The following DDI2 variants were observed in gnomAD, a reference collection of about 807,000 sequenced individuals.
The protein encoded by DDI2 is protein DDI1 homolog 2.
In DDI2, 5 loss-of-function variants were observed where a neutral mutation model predicts 48.1. That is an observed-to-expected ratio of 0.10 (90% CI 0.05 to 0.22). DDI2 has a LOEUF of 0.22. Ranked by LOEUF, DDI2 falls within the 10% of genes least tolerant of loss-of-function variation. The probability of loss-of-function intolerance (pLI) is 1.00; values close to 1 mark genes in which losing one functional copy is unlikely to be tolerated. For missense variants in DDI2, 285 were observed against 506.2 expected (o/e 0.56, Z 4.19); for synonymous variants, 205 against 183.6 (o/e 1.12, Z -0.94).
At chr1:15,633,682 G>T in intron 4 of DDI2, 117 bp downstream of exon 4, 1 of 1,470,286 alleles carries the variant, frequency 6.8e-7, no homozygotes, top group Admixed American at 1.7e-5. Context: ...TTGCAGTTGA[G>T]ATAGTAACCT....
chr1:15,649,695 C>A lies in DDI2; in HGVS notation c.890-25C>A, dbSNP rs751940810. 2.5e-6 allele frequency: 4 copies of A among 1,602,398 alleles called. No individual in the cohort carries two copies. In the South Asian group the frequency reaches 4.5e-5, roughly 18 times the overall value. On this transcript the variant is annotated intron_variant, in intron 6 of 9. Transcript: ENST00000480945. ...TCTGTTTTGAAGTACGTAACAATAACCTTTTCTCTTCATGTGCTTTTTAGC... is the reference window on the plus strand; with the variant it reads ...TCTGTTTTGAAGTACGTAACAATAAACTTTTCTCTTCATGTGCTTTTTAGC...
chr1:15,658,812 G>A (rs546406168), intron 9 of DDI2, among the ~76,000 whole-genome samples: 1 of 151,822 alleles, frequency 6.6e-6, no homozygotes, highest in African/African-American at 2.4e-5. Context: ...TAACTGGATT[G>A]GTGGCAAAAG....
intron 1 of DDI2, among the ~76,000 whole-genome samples, chr1:15,625,839 G>A (rs573503373): frequency 4.6e-5 from 7 of 152,270 alleles, no homozygotes; most frequent in African/African-American, 7.2e-5. Flanking sequence ...GGCTGGTCTC[G>A]AACCCCTGAC....
At chr1:15,617,843 C>G in intron 1 of DDI2, 35 bp downstream of exon 1, 1 of 1,535,680 alleles carries the variant, frequency 6.5e-7, no homozygotes, top group Non-Finnish European at 8.8e-7. Flanking sequence ...TGCCCCGGAG[C>G]TAAGCCCTCC....
chr1:15,658,231 C>T (rs375760232), intron 9 of DDI2, among the ~76,000 whole-genome samples: 40 of 152,078 alleles, frequency 2.6e-4, no homozygotes, highest in East Asian at 2.1e-3. Flanking sequence ...CTCACTGCAA[C>T]CTCTCCCTCC....
intron 8 of DDI2, 173 bp from the exon 9 acceptor site, chr1:15,656,444 A>G (rs1640274860): frequency 6.7e-7 from 1 of 1,490,528 alleles, no homozygotes; most frequent in Non-Finnish European, 8.9e-7. Flanking sequence ...TTGTGAGAGA[A>G]TGGAAGCAAC....
At chr1:15,656,223 T>G (rs543027808) in intron 8 of DDI2, among the ~76,000 whole-genome samples, 1 of 152,298 alleles carries the variant, frequency 6.6e-6, no homozygotes, top group East Asian at 1.9e-4. Flanking sequence ...AAATTGAATC[T>G]CAGCTGAGAA....
intron 8 of DDI2, among the ~76,000 whole-genome samples, chr1:15,653,331 A>G (rs2103479153): frequency 6.6e-6 from 1 of 151,724 alleles, no homozygotes; most frequent in East Asian, 1.9e-4. Context: ...GCTGGAGTGC[A>G]GTGGCGCAGC....
At position 15,661,776 on chromosome 1, in the gene DDI2, C is replaced by G. The variant is rs1430742852; in HGVS notation, c.*1986C>G. ...CATTCCCTTTAAACAAAAGAAAGCT[C>G]TCTCTATATACACGCACACATACAC... On this transcript the variant is annotated 3_prime_UTR_variant, in exon 10 of 10. Coordinates refer to ENST00000480945, the MANE Select transcript of DDI2 (RefSeq NM_032341.5). 6.5e-6 allele frequency: 10 copies of G among 1,536,314 alleles called. No individual in the cohort carries two copies. Among genetic ancestry groups the G allele is most frequent in the Non-Finnish European group, 8.7e-7 (1 of 1,143,436 alleles).
chr1:15,644,058 C>T (rs576900082), intron 6 of DDI2, among the ~76,000 whole-genome samples: 1 of 152,230 alleles, frequency 6.6e-6, no homozygotes, highest in African/African-American at 2.4e-5. Context: ...ATTATTTTCT[C>T]TTAGAATTAA....
At chr1:15,643,731 G>T (rs1219607304) in intron 6 of DDI2, 81 bp downstream of exon 6, 17 of 1,528,040 alleles carry the variant, frequency 1.1e-5, no homozygotes, top group Non-Finnish European at 1.5e-5. Flanking sequence ...TTTTTAGAGG[G>T]TCTTTTGTTG....
At chr1:15,640,659 T>C (rs1484050448) in intron 5 of DDI2, among the ~76,000 whole-genome samples, 1 of 152,220 alleles carries the variant, frequency 6.6e-6, no homozygotes, top group Non-Finnish European at 1.5e-5. Context: ...CATCCTGGGT[T>C]GCTTACTTTA....
Position 15,666,514 on chromosome 1 carries a change from C to G in DDI2, c.*6724C>G, listed in dbSNP as rs1397609647. 6.6e-6 allele frequency: 1 copy of G among 152,164 alleles called. No homozygotes were observed. Among genetic ancestry groups the G allele is most frequent in the Non-Finnish European group, 1.5e-5 (1 of 68,026 alleles). 9.4% of individuals were successfully genotyped at this position (152,164 alleles called of 1,614,324 possible). ...ATGTTTATGTTCTTTGTTTTACTAT[C>G]AATGTTGTGCTGGTTAAGGGAGAGA... On this transcript the variant is annotated 3_prime_UTR_variant, in exon 10 of 10. Transcript: ENST00000480945.
In DDI2 at chr1:15,667,805, G is replaced by T. The variant is rs140454273; in HGVS notation, c.*8015G>T. 1 of 152,200 alleles carries T rather than the reference G, an allele frequency of 6.6e-6. No individual in the cohort carries two copies. Among genetic ancestry groups the T allele is most frequent in the Non-Finnish European group, 1.5e-5 (1 of 68,050 alleles). The allele number at this position is 152,200 out of a possible 1,614,324, so 9.4% of individuals were successfully genotyped here. A position where few individuals can be genotyped will look rare whatever the true frequency, so the allele number is the denominator to read the frequency against. On this transcript the variant is annotated 3_prime_UTR_variant, in exon 10 of 10. Coordinates refer to ENST00000480945, the MANE Select transcript of DDI2 (RefSeq NM_032341.5). ...TTACAGTTAGAAAATGTTCTCAAAG[G>T]TTTATCAGTTATGTATTGATGATTG...
intron 2 of DDI2, 65 bp from the exon 3 acceptor site, chr1:15,630,260 T>C: frequency 6.8e-7 from 1 of 1,475,164 alleles, no homozygotes; most frequent in East Asian, 2.3e-5. Context: ...AGTGTTCTGC[T>C]GTTTCCTTCA....
At chr1:15,629,939 C>G (rs1639816665) in intron 2 of DDI2, among the ~76,000 whole-genome samples, 2 of 152,042 alleles carry the variant, frequency 1.3e-5, no homozygotes, top group South Asian at 2.1e-4. Context: ...ACTATGTTGA[C>G]CAGGCTGGTC....
rs1640399988 is a variant in DDI2 at position 15,662,676 on chromosome 1, T to A, written c.*2886T>A. ...CCAGCAGCTTATTTCCTTTCTAGAC[T>A]CTTCTGCCAGGAAGTTCTTCAAACG... On this transcript the variant is annotated 3_prime_UTR_variant, in exon 10 of 10. Transcript: ENST00000480945. 1 of 152,226 alleles carries A rather than the reference T, an allele frequency of 6.6e-6. No individual in the cohort carries two copies. Among genetic ancestry groups the A allele is most frequent in the Admixed American group, 6.5e-5 (1 of 15,280 alleles). The allele number at this position is 152,226 out of a possible 1,614,324, so 9.4% of individuals were successfully genotyped here. A position where few individuals can be genotyped will look rare whatever the true frequency, so the allele number is the denominator to read the frequency against.
intron 8 of DDI2, among the ~76,000 whole-genome samples, chr1:15,654,798 GT>G (rs1277293561): frequency 6.6e-6 from 1 of 152,118 alleles, no homozygotes; most frequent in Non-Finnish European, 1.5e-5. Context: ...TAACTTAATA[GT>G]TTTAATCTTA....
At chr1:15,634,864 C>T (rs184699718) in intron 4 of DDI2, among the ~76,000 whole-genome samples, 1 of 152,192 alleles carries the variant, frequency 6.6e-6, no homozygotes, top group Non-Finnish European at 1.5e-5. Context: ...TCCTTCTGAC[C>T]TCAATTGATC....
Sources: allele counts gnomAD v4.1 joint callset (sites outside exome capture counted in the v4.1 genomes callset), GRCh38; gene constraint gnomAD v4.1.1; transcripts MANE v1.5; gene names NCBI Gene and HGNC (gene_info 2026-07-23, HGNC 2026-07-21).